Variants in MRLN observed in about 807,000 individuals in gnomAD.
MRLN encodes Linc-RNA activator of myogenesis.
intron 1 of MRLN, among the ~76,000 whole-genome samples, chr10:59,748,135 T>C (rs939893656): frequency 2.6e-5 from 4 of 151,766 alleles, no homozygotes; most frequent in Non-Finnish European, 5.9e-5. Flanking sequence ...AGTCAAGTTG[T>C]TGGAAGGCAA....
At chr10:59,745,851 A>G (rs1207969465) in intron 1 of MRLN, among the ~76,000 whole-genome samples, 2 of 152,074 alleles carry the variant, frequency 1.3e-5, no homozygotes, top group Non-Finnish European at 2.9e-5. Context: ...CTCTGACTCC[A>G]GGGACCATAA....
intron 1 of MRLN, among the ~76,000 whole-genome samples, chr10:59,743,357 T>A (rs192325567): frequency 4.6e-5 from 7 of 152,298 alleles, no homozygotes; most frequent in Admixed American, 1.3e-4. Context: ...TTATACTGAT[T>A]TTATTTTTGT....
At chr10:59,741,406 A>G (rs1308966337) in intron 1 of MRLN, among the ~76,000 whole-genome samples, 6 of 151,920 alleles carry the variant, frequency 3.9e-5, no homozygotes, top group Non-Finnish European at 4.4e-5. Flanking sequence ...TTTTTGAGAT[A>G]GTATCTCACT....
At chr10:59,743,635 G>A (rs965196270) in intron 1 of MRLN, among the ~76,000 whole-genome samples, 6 of 152,068 alleles carry the variant, frequency 3.9e-5, no homozygotes, top group African/African-American at 1.2e-4. Flanking sequence ...ATGGTGCTTG[G>A]ATTTACATTG....
chr10:59,747,402 C>T (rs1432090950), intron 1 of MRLN, among the ~76,000 whole-genome samples: 1 of 152,306 alleles, frequency 6.6e-6, no homozygotes, highest in East Asian at 1.9e-4. Context: ...GATAATGGTA[C>T]CTGCTTCTTA....
intron 1 of MRLN, among the ~76,000 whole-genome samples, chr10:59,741,847 T>C (rs1247037749): frequency 6.6e-6 from 1 of 152,138 alleles, no homozygotes; most frequent in Non-Finnish European, 1.5e-5. Flanking sequence ...CCTGGCTAAT[T>C]TTTAATTTTT....
At chr10:59,743,682 CT>C (rs1381873149) in intron 1 of MRLN, among the ~76,000 whole-genome samples, 1 of 152,054 alleles carries the variant, frequency 6.6e-6, no homozygotes, top group Non-Finnish European at 1.5e-5. Context: ...CCGCCTCCCC[CT>C]CCCTCTTTGC....
intron 1 of MRLN, among the ~76,000 whole-genome samples, chr10:59,740,785 T>G (rs1840974914): frequency 7.1e-6 from 1 of 141,752 alleles, no homozygotes; most frequent in Non-Finnish European, 1.5e-5. Context: ...GTTTTCTTTC[T>G]TTCTTTCTTT....
chr10:59,742,581 G>A (rs1840995031), intron 1 of MRLN, among the ~76,000 whole-genome samples: 1 of 152,168 alleles, frequency 6.6e-6, no homozygotes, highest in African/African-American at 2.4e-5. Context: ...GTCCTGGGTG[G>A]TGGTTATACT....
In MRLN at chr10:59,736,874, A is replaced by G. The variant is rs1051570552; in HGVS notation, c.*186T>C. On this transcript the variant is annotated 3_prime_UTR_variant, in exon 3 of 3. Coordinates refer to ENST00000414264, the MANE Select transcript of MRLN (RefSeq NM_001304731.2). ...TTTGGGGAAAAAAATTCACTTCAGT[A>G]TATGTGAATGTTTCATAAACCATAA... 4.2e-5 allele frequency: 12 copies of G among 286,584 alleles called. No individual in the cohort carries two copies. Among genetic ancestry groups the G allele is most frequent in the Non-Finnish European group, 7.8e-5 (12 of 154,832 alleles). 17.8% of individuals were successfully genotyped at this position (286,584 alleles called of 1,614,324 possible). A position where few individuals can be genotyped will look rare whatever the true frequency, so the allele number is the denominator to read the frequency against.
chr10:59,746,681 G>A (rs1031186424), intron 1 of MRLN, among the ~76,000 whole-genome samples: 11 of 152,122 alleles, frequency 7.2e-5, no homozygotes, highest in African/African-American at 1.2e-4. Flanking sequence ...CAAATTTGCC[G>A]GAATTCACTT....
chr10:59,750,362 C>A (rs370829515), intron 1 of MRLN, among the ~76,000 whole-genome samples: 1 of 152,180 alleles, frequency 6.6e-6, no homozygotes, highest in African/African-American at 2.4e-5. Flanking sequence ...TGAGCCATCA[C>A]GCCCAGCCCA....
At chr10:59,746,287 A>G (rs1389072481) in intron 1 of MRLN, among the ~76,000 whole-genome samples, 1 of 152,208 alleles carries the variant, frequency 6.6e-6, no homozygotes, top group Non-Finnish European at 1.5e-5. Context: ...AAATCTGTCC[A>G]CTTTTGCTTA....
rs190104425 is a variant in MRLN, at chr10:59,736,753, G to A, written c.*307C>T. The A allele has an allele frequency of 8.1e-4, 128 of 158,442 alleles. No homozygotes were observed. Among genetic ancestry groups the A allele is most frequent in the Middle Eastern group, 6.1e-3 (2 of 330 alleles). The allele number at this position is 158,442 out of a possible 1,614,324, so 9.8% of individuals were successfully genotyped here. ...TCGAACTCCTGCACTCAAGGGATCC[G>A]CCTACCTGGGCCTCTCAAAGTGCTG... On this transcript the variant is annotated 3_prime_UTR_variant, in exon 3 of 3. Coordinates refer to ENST00000414264, the MANE Select transcript of MRLN (RefSeq NM_001304731.2).
intron 1 of MRLN, among the ~76,000 whole-genome samples, chr10:59,740,246 G>GTA (rs1249430100): frequency 6.6e-6 from 1 of 152,128 alleles, no homozygotes; most frequent in Non-Finnish European, 1.5e-5. Context: ...TGAAACCACA[G>GTA]CATGTACAAT....
chr10:59,748,837 T>TG (rs1324674568), intron 1 of MRLN, among the ~76,000 whole-genome samples: 4 of 152,208 alleles, frequency 2.6e-5, no homozygotes, highest in African/African-American at 9.6e-5. Context: ...CCAACATCTT[T>TG]GATTCCAGCC....
chr10:59,745,493 C>T (rs1470188334), intron 1 of MRLN, among the ~76,000 whole-genome samples: 1 of 117,356 alleles, frequency 8.5e-6, no homozygotes, highest in Non-Finnish European at 1.7e-5. Context: ...TTCCCCCCCC[C>T]ACCCCCCACC....
chr10:59,736,912 T>A lies in MRLN; in HGVS notation c.*148A>T, dbSNP rs1840930510. 1 of 350,490 alleles carries A rather than the reference T, an allele frequency of 2.9e-6. No homozygotes were observed. The highest frequency in any genetic ancestry group is 5.1e-6 in the Non-Finnish European group (1 of 194,552). 21.7% of individuals were successfully genotyped at this position (350,490 alleles called of 1,614,324 possible). ...TCATAAACCATAAAGAACTAAACAA[T>A]ACACAATGTTGTTTGTATTGCAGTG... On this transcript the variant is annotated 3_prime_UTR_variant, in exon 3 of 3. Transcript: ENST00000414264.
At chr10:59,739,384 T>G (rs1259609765) in intron 1 of MRLN, 1 of 152,230 alleles carries the variant, frequency 6.6e-6, no homozygotes, top group Non-Finnish European at 1.5e-5. Flanking sequence ...ATAAATGGCA[T>G]AGTATTTACA....
Sources: gnomAD v4.1 joint callset for allele counts (sites outside exome capture counted in the v4.1 genomes callset) on GRCh38, gnomAD v4.1.1 for gene constraint, MANE v1.5 for transcripts, NCBI Gene and HGNC (gene_info 2026-07-23, HGNC 2026-07-21) for gene names.